Variants in ZHX3 observed in about 807,000 individuals in gnomAD.
ZHX3 encodes zinc fingers and homeoboxes protein 3.
Under a neutral mutation model 64.5 loss-of-function variants are expected in ZHX3, and 20 were observed. The observed-to-expected ratio is 0.31, with a 90% CI of 0.22 to 0.45. The LOEUF (loss-of-function observed/expected upper bound fraction) is 0.45. ZHX3 is among the 20% of genes least tolerant of loss of function. The pLI, the probability that ZHX3 is intolerant of heterozygous loss-of-function variation, is 1.00. For missense variants in ZHX3, 1,041 were observed against 1,195.8 expected (o/e 0.87, Z 1.91); for synonymous variants, 423 against 461.6 (o/e 0.92, Z 1.07).
rs372828293 is a variant in ZHX3, at chr20:41,309,760, T to C, written c.-245+7749A>G. Among the ~76,000 whole-genome samples, 7 of 152,298 alleles carry C rather than the reference T, an allele frequency of 4.6e-5. No homozygotes were observed. In the East Asian group the frequency reaches 1.3e-3, roughly 29 times the overall value. On this transcript the variant is annotated intron_variant, in intron 1 of 3. Coordinates refer to ENST00000683867, the MANE Select transcript of ZHX3 (RefSeq NM_001384317.1). Reference sequence around the variant, plus strand: ...GAAGATTCGGCCCACTTTCCTTTTCTCCATCCTAAATATCCTACAATCCTT... The same window carrying C: ...GAAGATTCGGCCCACTTTCCTTTTCCCCATCCTAAATATCCTACAATCCTT...
At chr20:41,278,365 T>C (rs2043497068) in intron 1 of ZHX3, among the ~76,000 whole-genome samples, 1 of 138,242 alleles carries the variant, frequency 7.2e-6, no homozygotes, top group African/African-American at 2.7e-5. Flanking sequence ...AAAAAGATTA[T>C]AGTTGGGGGA....
At chr20:41,253,329 T>C (rs1209449223) in intron 2 of ZHX3, among the ~76,000 whole-genome samples, 1 of 152,078 alleles carries the variant, frequency 6.6e-6, no homozygotes, top group Non-Finnish European at 1.5e-5. Flanking sequence ...TCTTTGTCTA[T>C]AAAATGGAAA....
chr20:41,255,694 C>G (rs1325805753), intron 2 of ZHX3, among the ~76,000 whole-genome samples: 1 of 152,200 alleles, frequency 6.6e-6, no homozygotes, highest in Admixed American at 6.5e-5. Flanking sequence ...AGGCTACTAA[C>G]ACTGTGGTAG....
At position 41,202,758 on chromosome 20, in the gene ZHX3, C is replaced by T. The variant is rs865923762; in HGVS notation, c.2159G>A (p.Arg720His). The stretch of plus-strand genomic sequence containing the variant: ...GTTGATTTTAATGGGGCTGACTTTG[C>T]GCTCTGCCAAGATATGGCTGCTGGG... ...EMPSSHILAE[R>H]KVSPIKINLK... Residue 720 changes from arginine (R) to histidine (H), a missense_variant, in exon 3 of 4, where the codon CGC becomes CAC. Physicochemically the swap from Arg to His is conservative, Grantham distance 29. Transcript: ENST00000683867. The surrounding 1 kb of genome is among the most constrained non-coding windows in gnomAD (Gnocchi z 7.0). 12 of 1,613,970 alleles carry T rather than the reference C, an allele frequency of 7.4e-6. No homozygotes were observed. Among genetic ancestry groups the T allele is most frequent in the Middle Eastern group, 1.6e-4 (1 of 6,084 alleles).
intron 2 of ZHX3, among the ~76,000 whole-genome samples, chr20:41,229,029 T>C (rs2040437726): frequency 6.6e-6 from 1 of 152,180 alleles, no homozygotes; most frequent in African/African-American, 2.4e-5. Flanking sequence ...CTCTTTGCCT[T>C]ATAAAACTGA....
intron 2 of ZHX3, among the ~76,000 whole-genome samples, chr20:41,241,857 T>C (rs2041401486): frequency 6.6e-6 from 1 of 152,186 alleles, no homozygotes; most frequent in African/African-American, 2.4e-5. Context: ...ATTTTAACAA[T>C]ATTTATTCTT....
intron 1 of ZHX3, among the ~76,000 whole-genome samples, chr20:41,277,111 G>C (rs961836793): frequency 6.6e-6 from 1 of 152,214 alleles, no homozygotes; most frequent in Non-Finnish European, 1.5e-5. Context: ...AACTTTTCTA[G>C]AGTGGCAAAA....
chr20:41,205,064 A>G lies in ZHX3; in HGVS notation c.-148T>C. 4 of 1,294,196 alleles carry G rather than the reference A, an allele frequency of 3.1e-6. No homozygotes were observed. Among genetic ancestry groups the G allele is most frequent in the Non-Finnish European group, 4.0e-6 (4 of 1,008,306 alleles). The allele number at this position is 1,294,196 out of a possible 1,614,324, so 80.2% of individuals were successfully genotyped here. ...TGCAGAAAGCAGGTTTTCCCTATTCAATCTAAGGAAAGGGAGAAAAAAATG... is the reference window on the plus strand; with the variant it reads ...TGCAGAAAGCAGGTTTTCCCTATTCGATCTAAGGAAAGGGAGAAAAAAATG... On this transcript the variant is annotated splice_region_variant and 5_prime_UTR_variant, in exon 3 of 4. Coordinates refer to ENST00000683867, the MANE Select transcript of ZHX3 (RefSeq NM_001384317.1).
At chr20:41,298,518 T>G (rs2044648110) in intron 1 of ZHX3, among the ~76,000 whole-genome samples, 1 of 152,234 alleles carries the variant, frequency 6.6e-6, no homozygotes, top group African/African-American at 2.4e-5. Context: ...TTGTTTACTT[T>G]TAGAGGAAGT....
chr20:41,239,210 C>G (rs2041221226), intron 2 of ZHX3, among the ~76,000 whole-genome samples: 1 of 151,590 alleles, frequency 6.6e-6, no homozygotes, highest in Admixed American at 6.6e-5. Flanking sequence ...GGGGTTTCAC[C>G]ATGTTAGCCA....
chr20:41,274,711 T>C (rs2043301512), intron 1 of ZHX3, among the ~76,000 whole-genome samples: 1 of 152,194 alleles, frequency 6.6e-6, no homozygotes, highest in Admixed American at 6.5e-5. Context: ...TTGAAACCAG[T>C]AGATTATGAG....
intron 2 of ZHX3, among the ~76,000 whole-genome samples, chr20:41,206,666 C>T (rs1350194196): frequency 1.3e-5 from 2 of 152,162 alleles, no homozygotes; most frequent in African/African-American, 4.8e-5. Flanking sequence ...AACAAATCTA[C>T]GTCTGATTGG....
chr20:41,288,912 T>C (rs2044077737), intron 1 of ZHX3, among the ~76,000 whole-genome samples: 1 of 152,208 alleles, frequency 6.6e-6, no homozygotes. Flanking sequence ...ACTTAGATGT[T>C]ACATTGAATA....
intron 1 of ZHX3, chr20:41,300,144 T>C (rs1416170181): frequency 6.6e-6 from 1 of 152,102 alleles, no homozygotes; most frequent in Admixed American, 6.6e-5. Flanking sequence ...ATGGAGGCAA[T>C]TGTAATGTCA....
At chr20:41,188,154 T>C (rs1486294522) in intron 3 of ZHX3, among the ~76,000 whole-genome samples, 2 of 152,322 alleles carry the variant, frequency 1.3e-5, no homozygotes, top group African/African-American at 2.4e-5. Context: ...CTGCCACATA[T>C]GAGTAAGAAC....
rs535593114 is a variant in ZHX3 at position 41,184,887 on chromosome 20, T to C, written c.*304A>G. ...GTGGATGTATATGTTAAAAGCTTGA[T>C]TCTGTGTCTATGAATATGACTATGA... On this transcript the variant is annotated 3_prime_UTR_variant, in exon 4 of 4. Coordinates refer to ENST00000683867, the MANE Select transcript of ZHX3 (RefSeq NM_001384317.1). 2 of 1,516,270 alleles carry C rather than the reference T, an allele frequency of 1.3e-6. No homozygotes were observed. The highest frequency in any genetic ancestry group is 2.8e-5 in the African/African-American group (2 of 72,618). 93.9% of individuals were successfully genotyped at this position (1,516,270 alleles called of 1,614,324 possible). A position where few individuals can be genotyped will look rare whatever the true frequency, so the allele number is the denominator to read the frequency against.
chr20:41,217,088 A>C (rs2039583658), intron 2 of ZHX3, among the ~76,000 whole-genome samples: 1 of 152,116 alleles, frequency 6.6e-6, no homozygotes, highest in Non-Finnish European at 1.5e-5. Flanking sequence ...TTTCATCTCC[A>C]TTTTTTGGAG....
At chr20:41,280,061 A>G (rs1258138803) in intron 1 of ZHX3, among the ~76,000 whole-genome samples, 1 of 152,246 alleles carries the variant, frequency 6.6e-6, no homozygotes, top group African/African-American at 2.4e-5. Flanking sequence ...CTGGGACTAC[A>G]GAATGAAGAA....
At chr20:41,257,248 G>A (rs556480437) in intron 2 of ZHX3, among the ~76,000 whole-genome samples, 7 of 152,282 alleles carry the variant, frequency 4.6e-5, no homozygotes, top group Admixed American at 1.3e-4. Flanking sequence ...TGGGACCTGT[G>A]ATTCTCTATA....
Sources: allele counts gnomAD v4.1 joint callset (sites outside exome capture counted in the v4.1 genomes callset), GRCh38; gene constraint gnomAD v4.1.1; non-coding constraint Gnocchi (gnomAD v3.1); transcripts MANE v1.5; gene names NCBI Gene and HGNC (gene_info 2026-07-23, HGNC 2026-07-21).